The following ZNF423 variants were observed in gnomAD, a reference collection of about 807,000 sequenced individuals.
ZNF423 encodes the protein zinc finger protein 423, also known as Ebf-associated zinc finger protein.
Under a neutral mutation model 95.8 loss-of-function variants are expected in ZNF423, and 12 were observed. The observed-to-expected ratio is 0.13, with a 90% CI of 0.08 to 0.20. The LOEUF is 0.20. Among genes scored for constraint, ZNF423 ranks in the 10% least tolerant of loss-of-function variants. The pLI is 1.00. For synonymous variants in ZNF423, 749 were observed against 711.9 expected, an observed-to-expected ratio of 1.05 and a Z score of -0.83; for missense variants, 1,316 against 1,737.1, an observed-to-expected ratio of 0.76 and a Z score of 4.31.
At chr16:49,607,611 G>A (rs1971581008) in intron 5 of ZNF423, among the ~76,000 whole-genome samples, 1 of 152,206 alleles carries the variant, frequency 6.6e-6, no homozygotes, top group South Asian at 2.1e-4. Context: ...GGTTGTTTTA[G>A]TCATATGAAA....
chr16:49,726,681 G>A (rs2033023353), intron 3 of ZNF423, among the ~76,000 whole-genome samples: 1 of 152,036 alleles, frequency 6.6e-6, no homozygotes, highest in African/African-American at 2.4e-5. Context: ...GTCTCCATTA[G>A]GAACAGAGAA....
intron 2 of ZNF423, among the ~76,000 whole-genome samples, chr16:49,757,902 C>T (rs2033757311): frequency 6.6e-6 from 1 of 152,126 alleles, no homozygotes; most frequent in Non-Finnish European, 1.5e-5. Flanking sequence ...GACCCGCCCT[C>T]GGCTCCTCCC....
At chr16:49,714,571 G>A (rs184545637) in intron 3 of ZNF423, among the ~76,000 whole-genome samples, 18 of 151,510 alleles carry the variant, frequency 1.2e-4, no homozygotes, top group East Asian at 5.8e-4. Flanking sequence ...GCTTGAGCCC[G>A]GGAGGTGGAG....
chr16:49,687,408 G>A (rs919066635), intron 3 of ZNF423, among the ~76,000 whole-genome samples: 25 of 152,244 alleles, frequency 1.6e-4, no homozygotes, highest in Non-Finnish European at 2.9e-4. Flanking sequence ...GCAGGCAACC[G>A]CCTCTCCCCA....
chr16:49,709,183 T>TATATAA (rs58833331), intron 3 of ZNF423, among the ~76,000 whole-genome samples: 2 of 145,316 alleles, frequency 1.4e-5, no homozygotes, highest in African/African-American at 2.6e-5. Flanking sequence ...TATATATATA[T>TATATAA]GAAAACGGAG....
At chr16:49,634,989 G>A (rs1031210228) in intron 4 of ZNF423, among the ~76,000 whole-genome samples, 1 of 152,184 alleles carries the variant, frequency 6.6e-6, no homozygotes, top group African/African-American at 2.4e-5. Context: ...GATGAACAGG[G>A]AAAATTTGAT....
chr16:49,653,822 T>C (rs930625517), intron 3 of ZNF423, among the ~76,000 whole-genome samples: 3 of 152,238 alleles, frequency 2.0e-5, no homozygotes, highest in Non-Finnish European at 4.4e-5. Context: ...TCATCCTCCC[T>C]GACTTCAGGG....
intron 3 of ZNF423, among the ~76,000 whole-genome samples, chr16:49,712,753 G>A (rs536400204): frequency 6.6e-6 from 1 of 152,254 alleles, no homozygotes; most frequent in Non-Finnish European, 1.5e-5. Flanking sequence ...GGGGTCCCGG[G>A]AGCGGCGCGA....
At chr16:49,671,385 C>A (rs2030800991) in intron 3 of ZNF423, among the ~76,000 whole-genome samples, 1 of 152,230 alleles carries the variant, frequency 6.6e-6, no homozygotes, top group African/African-American at 2.4e-5. Context: ...ACCCTAGGAC[C>A]AAGCCCGGCC....
At chr16:49,746,157 T>G (rs1167671394) in intron 2 of ZNF423, among the ~76,000 whole-genome samples, 1 of 151,884 alleles carries the variant, frequency 6.6e-6, no homozygotes, top group African/African-American at 2.4e-5. Flanking sequence ...ATTCTGTGAG[T>G]GGAATGCAAT....
chr16:49,847,895 G>A (rs1006736258), intron 1 of ZNF423, among the ~76,000 whole-genome samples: 1 of 152,152 alleles, frequency 6.6e-6, no homozygotes, highest in East Asian at 1.9e-4. Context: ...GGTCGAGGCA[G>A]GAGGATTCCC....
intron 2 of ZNF423, among the ~76,000 whole-genome samples, chr16:49,766,615 A>G (rs1037392201): frequency 6.6e-6 from 1 of 152,194 alleles, no homozygotes; most frequent in Admixed American, 6.5e-5. Flanking sequence ...GAAACTCAAA[A>G]CACTACAGGC....
chr16:49,544,830 G>A (rs368242446), intron 5 of ZNF423, among the ~76,000 whole-genome samples: 4 of 152,384 alleles, frequency 2.6e-5, no homozygotes, highest in Non-Finnish European at 5.9e-5. Flanking sequence ...CCAGGGGATC[G>A]CATCCTTCTT....
At chr16:49,839,364 G>A (rs974077401) in intron 1 of ZNF423, among the ~76,000 whole-genome samples, 3 of 152,084 alleles carry the variant, frequency 2.0e-5, no homozygotes, top group Admixed American at 6.5e-5. Flanking sequence ...CTGAGGTAAC[G>A]GGCTGTGGGA....
At chr16:49,700,043 C>T (rs1343431712) in intron 3 of ZNF423, among the ~76,000 whole-genome samples, 1 of 152,008 alleles carries the variant, frequency 6.6e-6, no homozygotes, top group Non-Finnish European at 1.5e-5. Context: ...AGGCCAAAGA[C>T]CCTCTGAGAC....
At chr16:49,585,854 G>T (rs889987794) in intron 5 of ZNF423, among the ~76,000 whole-genome samples, 10 of 152,332 alleles carry the variant, frequency 6.6e-5, no homozygotes, top group African/African-American at 2.2e-4. Context: ...AGTCACCAAA[G>T]TTCTCAAGGC....
At chr16:49,538,054 G>T (rs183054824) in intron 5 of ZNF423, among the ~76,000 whole-genome samples, 1 of 152,338 alleles carries the variant, frequency 6.6e-6, no homozygotes. Flanking sequence ...GGTCTGGGCT[G>T]ATCCCATCCA....
chr16:49,855,639 G>T lies in ZNF423; in HGVS notation c.40+96C>A. The T allele has an allele frequency of 6.1e-6, 1 of 162,838 alleles. No individual in the cohort carries two copies. Among genetic ancestry groups the T allele is most frequent in the Non-Finnish European group, 1.3e-5 (1 of 75,668 alleles). The allele number at this position is 162,838 out of a possible 1,614,324, so 10.1% of individuals were successfully genotyped here. ...CTCCTCCTCTCGGCTCGCTCGCGCG[G>T]GTCCCCGGCAGCCAGCCCGCTCGCC... On this transcript the variant is annotated intron_variant, in intron 1 of 7. Coordinates refer to ENST00000563137, the MANE Select transcript of ZNF423 (RefSeq NM_001379286.1). The surrounding 1 kb of genome is among the most constrained non-coding windows in gnomAD (Gnocchi z 4.7).
At chr16:49,661,968 T>G (rs747429853) in intron 3 of ZNF423, among the ~76,000 whole-genome samples, 2 of 152,194 alleles carry the variant, frequency 1.3e-5, no homozygotes, top group Non-Finnish European at 2.9e-5. Flanking sequence ...TTAAGCACAC[T>G]GGCCCAGCGC....
Sources: gnomAD v4.1 joint callset for allele counts (sites outside exome capture counted in the v4.1 genomes callset) on GRCh38, gnomAD v4.1.1 for gene constraint, Gnocchi (gnomAD v3.1) non-coding constraint, MANE v1.5 for transcripts, NCBI Gene and HGNC (gene_info 2026-07-23, HGNC 2026-07-21) for gene names.